Variants in ZNF584 observed in about 807,000 individuals in gnomAD.
ZNF584 encodes the protein zinc finger protein 584.
In ZNF584, 12 loss-of-function variants were observed where a neutral mutation model predicts 14.7. That is an observed-to-expected ratio of 0.82 (90% CI 0.52 to 1.32). The LOEUF (loss-of-function observed/expected upper bound fraction) is 1.32. ZNF584 is among the 40% of genes most tolerant of loss of function. ZNF584 has a pLI of 0.00. For synonymous variants in ZNF584, 204 were observed against 190.9 expected (o/e 1.07, Z -0.57); for missense variants, 478 against 518.8 (o/e 0.92, Z 0.76).
upstream of ZNF584, chr19:58,404,547 G>C (rs962435382): frequency 5.6e-6 from 1 of 179,630 alleles, no homozygotes; most frequent in African/African-American, 2.4e-5. Context: ...CACAGGGTTG[G>C]GGGTAAGGTC....
In ZNF584 at chr19:58,415,299, C is replaced by G. The variant is rs148558242; in HGVS notation, c.170-225C>G. Among the ~76,000 whole-genome samples, 689 of 152,292 alleles carry G rather than the reference C, an allele frequency of 4.5e-3. 9 individuals carry two copies. The highest frequency in any genetic ancestry group is 0.016 in the African/African-American group (654 of 41,544). On this transcript the variant is annotated intron_variant, in intron 2 of 3. Coordinates refer to ENST00000306910, the MANE Select transcript of ZNF584 (RefSeq NM_173548.3). ...TGACCTCCTAGGCTCAAGTGATCCT[C>G]TCACTATGGCCTCCCTAGTAACTGG... is the stretch of plus-strand genomic sequence containing the variant.
Position 58,409,049 on chromosome 19 carries a change from T to C in ZNF584, c.-99T>C. 1 of 1,403,478 alleles carries C rather than the reference T, an allele frequency of 7.1e-7. No individual in the cohort carries two copies. The highest frequency in any genetic ancestry group is 9.4e-7 in the Non-Finnish European group (1 of 1,061,328). 86.9% of individuals were successfully genotyped at this position (1,403,478 alleles called of 1,614,324 possible). On this transcript the variant is annotated 5_prime_UTR_variant, in exon 1 of 4. Transcript: ENST00000306910. ...CGCATTTCACCCGCGCGGGGAGAGC[T>C]TCCCGGGAAGGTTCCACGGCGGCCG... is the stretch of plus-strand genomic sequence containing the variant.
chr19:58,410,546 T>TTTTTTTTTTTTTTTTTTTTTTTTGAG (rs1568584382), intron 2 of ZNF584, among the ~76,000 whole-genome samples: 1 of 62,540 alleles, frequency 1.6e-5, no homozygotes, highest in Non-Finnish European at 2.7e-5. Flanking sequence ...TATATATATA[T>TTTTTTTTTTTTTTTTTTTTTTTTGAG]ATATATATAT....
At position 58,410,000 on chromosome 19, in the gene ZNF584, C is replaced by T. The variant is rs1289069766; in HGVS notation, c.78C>T (p.Phe26=). The stretch of plus-strand genomic sequence containing the variant: ...TGTTTGAGGATGTGACGGTATATTT[C>T]TCCAGGGAGGAGTGGGGGCTCCTTA... ...LVMFEDVTVY[F]SREEWGLLNV... The change falls in exon 2 of 4, where the codon TTC becomes TTT. Residue 26 remains phenylalanine (F), a synonymous_variant. Coordinates refer to ENST00000306910, the MANE Select transcript of ZNF584 (RefSeq NM_173548.3). The T allele has an allele frequency of 6.2e-7, 1 of 1,613,942 alleles. No individual in the cohort carries two copies. The highest frequency in any genetic ancestry group is 8.5e-7 in the Non-Finnish European group (1 of 1,180,022).
intron 1 of ZNF584, among the ~76,000 whole-genome samples, chr19:58,409,466 T>C (rs556836291): frequency 6.6e-6 from 1 of 152,316 alleles, no homozygotes; most frequent in Admixed American, 6.5e-5. Flanking sequence ...GTGTACAGTT[T>C]TAGGCATTCT....
At chr19:58,416,783 C>T in intron 3 of ZNF584, 28 bp from the exon 4 acceptor site, 1 of 1,525,190 alleles carries the variant, frequency 6.6e-7, no homozygotes, top group Non-Finnish European at 8.8e-7. Flanking sequence ...TAGTTCAACT[C>T]TTAGTAATGA....
chr19:58,413,964 G>T (rs966439455), intron 2 of ZNF584, among the ~76,000 whole-genome samples: 2 of 150,658 alleles, frequency 1.3e-5, no homozygotes, highest in African/African-American at 4.9e-5. Flanking sequence ...GATTACAGGC[G>T]CCCACCACCA....
chr19:58,410,601 ATG>A (rs1357295200), intron 2 of ZNF584, among the ~76,000 whole-genome samples: 2 of 40,132 alleles, frequency 5.0e-5, no homozygotes, highest in African/African-American at 5.5e-4. Context: ...ATGTATATAT[ATG>A]TATATATATG....
In ZNF584 at chr19:58,410,665, G is replaced by GTA. The variant is rs1340444046; in HGVS notation, c.169+580_169+581dup. On this transcript the variant is annotated intron_variant, in intron 2 of 3. Transcript: ENST00000306910. ...TATATGTGTATATATGTGTATATATGTATATATGTGTATATATATGTATAT... is the reference window on the plus strand; with the variant it reads ...TATATGTGTATATATGTGTATATATGTATATATATGTGTATATATATGTATAT... Among the ~76,000 whole-genome samples the GTA allele has an allele frequency of 1.9e-4, 2 of 10,396 alleles. 1 individual carries two copies. The highest frequency in any genetic ancestry group is 3.6e-4 in the Non-Finnish European group (2 of 5,516). 6.8% of individuals were successfully genotyped at this position (10,396 alleles called of 152,430 possible). A position where few individuals can be genotyped will look rare whatever the true frequency, so the allele number is the denominator to read the frequency against.
rs11668757 is a variant in ZNF584 at position 58,416,932 on chromosome 19, A to T, written c.414A>T (p.Ala138=). The T allele has an allele frequency of 0.2, 320,519 of 1,609,224 alleles. 34,101 individuals carry two copies. The highest frequency in any genetic ancestry group is 0.22 in the Non-Finnish European group (255,282 of 1,177,368). ...GKPRRHTEHG[A]AFPPGSSCGQ... ...CAAGAAGGCACACTGAGCATGGGGCAGCTTTCCCACCTGGTTCCAGTTGTG... is the reference window on the plus strand; with the variant it reads ...CAAGAAGGCACACTGAGCATGGGGCTGCTTTCCCACCTGGTTCCAGTTGTG... Residue 138 remains alanine (A), a synonymous_variant, in exon 4 of 4, where the codon GCA becomes GCT. Coordinates refer to ENST00000306910, the MANE Select transcript of ZNF584 (RefSeq NM_173548.3).
intron 2 of ZNF584, among the ~76,000 whole-genome samples, chr19:58,411,980 T>TG (rs1435107560): frequency 1.0e-5 from 1 of 96,846 alleles, no homozygotes; most frequent in Non-Finnish European, 2.5e-5. Flanking sequence ...AATACTTGTT[T>TG]TTTTTTTTTT....
upstream of ZNF584, chr19:58,404,175 C>G (rs556460699): frequency 1.3e-5 from 2 of 153,158 alleles, no homozygotes; most frequent in South Asian, 4.1e-4. Context: ...CCTGGACCCT[C>G]TACTCCTCTG....
At chr19:58,416,048 C>T in intron 3 of ZNF584, 1 of 1,353,182 alleles carries the variant, frequency 7.4e-7, no homozygotes, top group Non-Finnish European at 1.0e-6. Flanking sequence ...GCTTGGCTGT[C>T]ACCAGCAGCC....
At position 58,416,924 on chromosome 19, in the gene ZNF584, C is replaced by T. The variant is rs373676838; in HGVS notation, c.406C>T (p.His136Tyr). 1 of 1,613,146 alleles carries T rather than the reference C, an allele frequency of 6.2e-7. No individual in the cohort carries two copies. The highest frequency in any genetic ancestry group is 8.5e-7 in the Non-Finnish European group (1 of 1,179,430). The change falls in exon 4 of 4, where the codon CAT becomes TAT. Residue 136 changes from histidine to tyrosine, a missense_variant. Transcript: ENST00000306910. ...SEGKPRRHTEHGAAFPPGSSC... is the reference protein window; with the variant it reads ...SEGKPRRHTEYGAAFPPGSSC... ...GGGGAAACCAAGAAGGCACACTGAG[C>T]ATGGGGCAGCTTTCCCACCTGGTTC...
intron 3 of ZNF584, chr19:58,416,243 C>CT (rs535225016): frequency 3.9e-3 from 967 of 248,198 alleles, no homozygotes; most frequent in South Asian, 6.9e-3. Context: ...CTCAGCAATT[C>CT]TTTTTTTTTT....
At chr19:58,409,707 C>T (rs2052517807) in intron 1 of ZNF584, among the ~76,000 whole-genome samples, 1 of 152,122 alleles carries the variant, frequency 6.6e-6, no homozygotes, top group Non-Finnish European at 1.5e-5. Context: ...ACACAGTTTC[C>T]AGTAGTAACA....
chr19:58,416,648 C>T (rs997218768), intron 3 of ZNF584, 163 bp from the exon 4 acceptor site: 16 of 781,764 alleles, frequency 2.0e-5, no homozygotes, highest in African/African-American at 1.1e-4. Flanking sequence ...GTGATCTGCC[C>T]GCCTTGGCCT....
At chr19:58,410,542 T>TTTTTTTTTTTTTTTTTTTTTTTTTTGAC (rs1568584343) in intron 2 of ZNF584, among the ~76,000 whole-genome samples, 1 of 15,382 alleles carries the variant, frequency 6.5e-5, no homozygotes, top group Non-Finnish European at 1.4e-4. Flanking sequence ...TATATATATA[T>TTTTTTTTTTTTTTTTTTTTTTTTTTGAC]ATATATATAT....
At chr19:58,410,316 G>A (rs1320959685) in intron 2 of ZNF584, among the ~76,000 whole-genome samples, 1 of 151,312 alleles carries the variant, frequency 6.6e-6, no homozygotes, top group East Asian at 1.9e-4. Flanking sequence ...TGCCCCAGGA[G>A]CTAGTGGAGC....
Sources: gnomAD v4.1 joint callset for allele counts (sites outside exome capture counted in the v4.1 genomes callset) on GRCh38, gnomAD v4.1.1 for gene constraint, MANE v1.5 for transcripts, NCBI Gene and HGNC (gene_info 2026-07-23, HGNC 2026-07-21) for gene names.